Variants in ENTPD8 observed in about 807,000 individuals in gnomAD.
ENTPD8 encodes ectonucleoside triphosphate diphosphohydrolase 8.
Under a neutral mutation model 47.0 loss-of-function variants are expected in ENTPD8, and 35 were observed. The observed-to-expected ratio is 0.75, with a 90% confidence interval of 0.57 to 0.99. ENTPD8 has a LOEUF of 0.99. ENTPD8 is among the 50% of genes least tolerant of loss of function. The pLI is 0.00. For missense variants in ENTPD8, 668 were observed against 649.9 expected (o/e 1.03, Z -0.30); for synonymous variants, 308 against 290.5 (o/e 1.06, Z -0.61).
intron 6 of ENTPD8, 64 bp downstream of exon 6, chr9:137,436,457 C>T (rs182299899): frequency 1.6e-4 from 244 of 1,510,516 alleles, no homozygotes; most frequent in South Asian, 1.1e-3. Flanking sequence ...GGATGACCCA[C>T]GCCAGCCCTG....
chr9:137,439,886 CAGACCAGAACAGCCCCCCCG>C, intron 1 of ENTPD8, among the ~76,000 whole-genome samples: 2 of 138,072 alleles, frequency 1.4e-5, no homozygotes, highest in Non-Finnish European at 3.1e-5. Flanking sequence ...AAGCGCCCCC[CAGACCAGAACAGCCCCCCCG>C]AGACCAGGAC....
chr9:137,436,999 A>G lies in ENTPD8; in HGVS notation c.425T>C (p.Ile142Thr). Residue 142 changes from isoleucine to threonine, a missense_variant, in exon 5 of 10, where the codon ATC (isoleucine) becomes ACC (threonine). Ile to Thr is a moderately conservative substitution (Grantham distance 89). Transcript: ENST00000371506. Reference protein sequence around the residue: ...SRKNSSQARDIFAAVTQVLGR... With the variant: ...SRKNSSQARDTFAAVTQVLGR... ...CAGGACCTGGGTGACTGCTGCAAAG[A>G]TGTCCCTGGCCTGAGAGCTGTTCTT... 1 of 1,612,876 alleles carries G rather than the reference A, an allele frequency of 6.2e-7. No homozygotes were observed. The highest frequency in any genetic ancestry group is 8.5e-7 in the Non-Finnish European group (1 of 1,179,916).
chr9:137,437,355 T>G, intron 3 of ENTPD8, 46 bp from the exon 4 acceptor site: 1 of 1,576,966 alleles, frequency 6.3e-7, no homozygotes, highest in Non-Finnish European at 8.6e-7. Flanking sequence ...GCAGGCTGGC[T>G]GGGCTGAAAG....
intron 7 of ENTPD8, 36 bp from the exon 8 acceptor site, chr9:137,435,865 G>A (rs1564245863): frequency 1.2e-6 from 2 of 1,606,990 alleles, no homozygotes; most frequent in South Asian, 2.2e-5. Context: ...CCTTCGCTGT[G>A]GCCACGCTGG....
rs963662130 is a variant in ENTPD8, at chr9:137,438,785, T to C, written c.-20-480A>G. Among the ~76,000 whole-genome samples the C allele has an allele frequency of 1.3e-5, 2 of 152,022 alleles. No individual in the cohort carries two copies. The highest frequency in any genetic ancestry group is 4.8e-5 in the African/African-American group (2 of 41,394). ...GGGGCGGGGGGCAGCAGAGGCCTCG[T>C]CTGGGGACACAGCCCCAGCAGGATC... On this transcript the variant is annotated intron_variant, in intron 1 of 9. Coordinates refer to ENST00000371506, the MANE Select transcript of ENTPD8 (RefSeq NM_001033113.2). The surrounding 1 kb of genome is among the most constrained non-coding windows in gnomAD (Gnocchi z 5.7).
At chr9:137,437,362 A>G (rs1588478401) in intron 3 of ENTPD8, 53 bp from the exon 4 acceptor site, 1 of 1,570,368 alleles carries the variant, frequency 6.4e-7, no homozygotes, top group Non-Finnish European at 8.6e-7. Flanking sequence ...GGCTGGGCTG[A>G]AAGGTAGCCC....
At chr9:137,437,517 C>G (rs1240010229) in intron 3 of ENTPD8, among the ~76,000 whole-genome samples, 1 of 152,226 alleles carries the variant, frequency 6.6e-6, no homozygotes, top group African/African-American at 2.4e-5. Context: ...TTTCAGACTT[C>G]TAGAATGCTG....
chr9:137,436,196 C>T lies in ENTPD8; in HGVS notation c.867G>A (p.Glu289=), dbSNP rs1292091666. The T allele has an allele frequency of 6.2e-7, 1 of 1,612,704 alleles. No individual in the cohort carries two copies. The stretch of plus-strand genomic sequence containing the variant: ...GGGGCGTGGCGTGGACACAGGGTGA[C>T]TCATACAGCGGGCCCAGGGCCAGTG... ...QTTLALGPLY[E]SPCVHATPPL... is the part of the protein sequence containing the mutation. Residue 289 remains glutamate, a synonymous_variant, in exon 7 of 10, where the codon GAG becomes GAA. Coordinates refer to ENST00000371506, the MANE Select transcript of ENTPD8 (RefSeq NM_001033113.2).
At chr9:137,441,257 C>T (rs1229397785) in intron 1 of ENTPD8, 29 bp downstream of exon 1, 4 of 283,522 alleles carry the variant, frequency 1.4e-5, no homozygotes, top group South Asian at 5.6e-5. Flanking sequence ...CCAGGACAGC[C>T]CCCCCAGGAC....
In ENTPD8 at chr9:137,438,199, C is replaced by G; in HGVS notation, c.87G>C (p.Leu29=). Residue 29 remains leucine, a synonymous_variant, in exon 2 of 10, where the codon CTG becomes CTC. Coordinates refer to ENST00000371506, the MANE Select transcript of ENTPD8 (RefSeq NM_001033113.2). This position sits in a 1 kb window ranked among gnomAD's most constrained non-coding sequence, Gnocchi z 5.7. ...GCAGGAGCACGCTGGTGGCCTCCAC[C>G]AGGAGGAGAATGAGTGCCGTGAGGC... ...VSGLTALILL[L]VEATSVLLPT... 1 of 1,608,492 alleles carries G rather than the reference C, an allele frequency of 6.2e-7. No individual in the cohort carries two copies. Among genetic ancestry groups the G allele is most frequent in the Non-Finnish European group, 8.5e-7 (1 of 1,177,990 alleles).
Position 137,441,286 on chromosome 9 carries a change from C to G in ENTPD8, c.-21G>C, listed in dbSNP as rs1839521777. The G allele has an allele frequency of 3.6e-6, 1 of 275,528 alleles. No individual in the cohort carries two copies. Among genetic ancestry groups the G allele is most frequent in the South Asian group, 3.0e-5 (1 of 33,086 alleles). 17.1% of individuals were successfully genotyped at this position (275,528 alleles called of 1,614,324 possible). A position where few individuals can be genotyped will look rare whatever the true frequency, so the allele number is the denominator to read the frequency against. On this transcript the variant is annotated splice_region_variant and 5_prime_UTR_variant, in exon 1 of 10. Transcript: ENST00000371506. Reference sequence around the variant, plus strand: ...CCAGGACATCCCTTTGGACCCTCACCTGGGCTGGCTGCCCACTTCCCGGAG... The same window carrying G: ...CCAGGACATCCCTTTGGACCCTCACGTGGGCTGGCTGCCCACTTCCCGGAG...
rs1481089158 is a variant in ENTPD8, at chr9:137,436,378, GCGCC to G, written c.787-106_787-103del. 9 of 1,420,518 alleles carry G rather than the reference GCGCC, an allele frequency of 6.3e-6. No homozygotes were observed. The African/African-American group carries it at 1.2e-4, about 18-fold the overall frequency. The allele number at this position is 1,420,518 out of a possible 1,614,324, so 88.0% of individuals were successfully genotyped here. ...CGCCAGCCCCGCGCCCATACCCTGT[GCGCC>G]CTCCCCGGTGCCGGATGACCCACGC... On this transcript the variant is annotated intron_variant, in intron 6 of 9. Coordinates refer to ENST00000371506, the MANE Select transcript of ENTPD8 (RefSeq NM_001033113.2).
chr9:137,434,854 C>T lies in ENTPD8; in HGVS notation c.*60G>A. The T allele has an allele frequency of 6.6e-7, 1 of 1,507,412 alleles. No individual in the cohort carries two copies. The highest frequency in any genetic ancestry group is 2.1e-5 in the Admixed American group (1 of 47,306). 93.4% of individuals were successfully genotyped at this position (1,507,412 alleles called of 1,614,324 possible). A position where few individuals can be genotyped will look rare whatever the true frequency, so the allele number is the denominator to read the frequency against. On this transcript the variant is annotated 3_prime_UTR_variant, in exon 10 of 10. Transcript: ENST00000371506. ...CCACGGCGCTCAGGGCTCAGGAAGC[C>T]TCCAGCATCCGGGACGCAGCTGCCT...
At chr9:137,435,684 C>T (rs774819567) in intron 8 of ENTPD8, 35 bp downstream of exon 8, 1 of 1,577,944 alleles carries the variant, frequency 6.3e-7, no homozygotes, top group Non-Finnish European at 8.7e-7. Flanking sequence ...CCTCAGGGAC[C>T]CTCGCTGCAG....
chr9:137,437,860 C>T, intron 3 of ENTPD8, 107 bp downstream of exon 3: 1 of 1,038,906 alleles, frequency 9.6e-7, no homozygotes, highest in Non-Finnish European at 1.4e-6. Flanking sequence ...GGCGTGTGAG[C>T]TCAGCCAAGT....
At chr9:137,440,079 C>G (rs1839480477) in intron 1 of ENTPD8, among the ~76,000 whole-genome samples, 2 of 23,552 alleles carry the variant, frequency 8.5e-5, no homozygotes, top group African/African-American at 4.3e-4. Flanking sequence ...CAGACCAGGA[C>G]AGCCCCCCCA....
chr9:137,434,511 C>G lies in ENTPD8; in HGVS notation c.*403G>C. 1 of 920,994 alleles carries G rather than the reference C, an allele frequency of 1.1e-6. No individual in the cohort carries two copies. Among genetic ancestry groups the G allele is most frequent in the East Asian group, 2.6e-5 (1 of 38,630 alleles). 57.1% of individuals were successfully genotyped at this position (920,994 alleles called of 1,614,324 possible). Reference sequence around the variant, plus strand: ...GACAACAGCAGGGAGAGCGGGGGTCCAGGTGGGGCAGCTCCCTCCCTTCCA... The same window carrying G: ...GACAACAGCAGGGAGAGCGGGGGTCGAGGTGGGGCAGCTCCCTCCCTTCCA... On this transcript the variant is annotated 3_prime_UTR_variant, in exon 10 of 10. Transcript: ENST00000371506.
Position 137,437,291 on chromosome 9 carries a change from T to G in ENTPD8, c.263A>C (p.Tyr88Ser), listed in dbSNP as rs376046541. The G allele has an allele frequency of 1.9e-6, 3 of 1,611,644 alleles. No homozygotes were observed. Among genetic ancestry groups the G allele is most frequent in the African/African-American group, 2.7e-5 (2 of 74,976 alleles). ...CQVEGPGISS[Y>S]TSNAAQAGES... ...ACCAGCCTGTGCAGCATTAGAAGTGTAGGAGGAGATTCCAGGCCCTGGAAC... is the reference window on the plus strand; with the variant it reads ...ACCAGCCTGTGCAGCATTAGAAGTGGAGGAGGAGATTCCAGGCCCTGGAAC... Residue 88 changes from tyrosine to serine, a missense_variant, in exon 4 of 10, where the codon TAC becomes TCC. Tyr to Ser is a moderately radical substitution (Grantham distance 144, BLOSUM62 -2). Transcript: ENST00000371506.
At chr9:137,437,426 G>A (rs1443123256) in intron 3 of ENTPD8, 117 bp from the exon 4 acceptor site, 6 of 1,303,728 alleles carry the variant, frequency 4.6e-6, no homozygotes, top group African/African-American at 3.0e-5. Flanking sequence ...CAAGGGCTGC[G>A]TGGAGTGCTC....
Sources: allele counts gnomAD v4.1 joint callset (sites outside exome capture counted in the v4.1 genomes callset), GRCh38; gene constraint gnomAD v4.1.1; non-coding constraint Gnocchi (gnomAD v3.1); transcripts MANE v1.5; gene names NCBI Gene and HGNC (gene_info 2026-07-23, HGNC 2026-07-21).